Variants in MAP2K6 observed in about 807,000 individuals in gnomAD.
The protein encoded by MAP2K6 is mitogen-activated protein kinase kinase 6.
Under a neutral mutation model 53.7 loss-of-function variants are expected in MAP2K6, and 16 were observed. That is an observed-to-expected ratio of 0.30 (90% CI 0.20 to 0.45). MAP2K6 has a LOEUF of 0.45. Among genes scored for constraint, MAP2K6 ranks in the 20% least tolerant of loss-of-function variants. The pLI, the probability that MAP2K6 is intolerant of heterozygous loss-of-function variation, is 1.00. For missense variants in MAP2K6, 204 were observed against 411.9 expected (o/e 0.50, Z 4.37); for synonymous variants, 132 against 143.1 (o/e 0.92, Z 0.55).
intron 1 of MAP2K6, among the ~76,000 whole-genome samples, chr17:69,468,443 C>T (rs1907882386): frequency 6.6e-6 from 1 of 152,256 alleles, no homozygotes; most frequent in South Asian, 2.1e-4. Flanking sequence ...ACTGTTTCTG[C>T]TCTCGCAAAA....
intron 2 of MAP2K6, among the ~76,000 whole-genome samples, chr17:69,513,236 T>C (rs1364039714): frequency 1.3e-5 from 2 of 152,230 alleles, no homozygotes; most frequent in Non-Finnish European, 2.9e-5. Flanking sequence ...CACAGGCGAA[T>C]TGATTATTTT....
intron 1 of MAP2K6, chr17:69,434,988 G>A (rs1906590723): frequency 6.6e-6 from 1 of 152,150 alleles, no homozygotes; most frequent in East Asian, 1.9e-4. Flanking sequence ...AATTAAGACA[G>A]GTGAATGCTA....
At position 69,510,299 on chromosome 17, in the gene MAP2K6, G is replaced by T. The variant is rs190336745; in HGVS notation, c.83+4453G>T. Among the ~76,000 whole-genome samples, 253 of 152,276 alleles carry T rather than the reference G, an allele frequency of 1.7e-3. 2 individuals are homozygous for T. The highest frequency in any genetic ancestry group is 0.01 in the Middle Eastern group (3 of 294). On this transcript the variant is annotated intron_variant, in intron 2 of 11. Transcript: ENST00000590474. Reference sequence around the variant, plus strand: ...TCAGCTAGCTTTGCATACCCCAAATGAATCCCAGTTAGTTATGGTATATAT... The same window carrying T: ...TCAGCTAGCTTTGCATACCCCAAATTAATCCCAGTTAGTTATGGTATATAT...
At chr17:69,500,447 C>CAAAAAA (rs58712110) in intron 1 of MAP2K6, among the ~76,000 whole-genome samples, 33 of 57,628 alleles carry the variant, frequency 5.7e-4, no homozygotes, top group African/African-American at 7.6e-4. Flanking sequence ...GACTCTGTCT[C>CAAAAAA]AAAAAAAAAA....
At chr17:69,527,548 T>C (rs1030262337) in intron 10 of MAP2K6, among the ~76,000 whole-genome samples, 4 of 152,336 alleles carry the variant, frequency 2.6e-5, no homozygotes, top group African/African-American at 9.6e-5. Flanking sequence ...CATGGCTTGA[T>C]AGTAATGATC....
chr17:69,493,437 T>A (rs539267879), intron 1 of MAP2K6, among the ~76,000 whole-genome samples: 131 of 151,900 alleles, frequency 8.6e-4, no homozygotes, highest in Non-Finnish European at 9.1e-4. Context: ...CACAGAAAAA[T>A]GAATACAGAT....
At chr17:69,421,138 C>T (rs60545999) in intron 1 of MAP2K6, among the ~76,000 whole-genome samples, 3,786 of 152,252 alleles carry the variant, frequency 0.025, 163 homozygotes, top group African/African-American at 0.087. Context: ...AAGTATTTTT[C>T]ATCAGTAGGG....
intron 1 of MAP2K6, among the ~76,000 whole-genome samples, chr17:69,416,903 T>C (rs1268739802): frequency 6.6e-6 from 1 of 152,206 alleles, no homozygotes; most frequent in Non-Finnish European, 1.5e-5. Flanking sequence ...ATTTTTGGGC[T>C]CACTATGAAC....
chr17:69,447,827 G>C (rs1234572974), intron 1 of MAP2K6, among the ~76,000 whole-genome samples: 2 of 152,218 alleles, frequency 1.3e-5, no homozygotes, highest in Admixed American at 1.3e-4. Flanking sequence ...GAGTGAGCAG[G>C]AGCTGAGGGA....
In MAP2K6 at chr17:69,536,154, G is replaced by A; in HGVS notation, c.921G>A (p.Glu307=). Residue 307 remains glutamate (E), a synonymous_variant, in exon 11 of 12, where the codon GAG becomes GAA. Transcript: ENST00000590474. The part of the protein sequence containing the change: ...KNSKERPTYP[E]LMQHPFFTLH... ...CCAAAGAACGGCCTACATACCCAGA[G>A]CTAATGGTGAGTATTGTTAGCAACG... is the stretch of plus-strand genomic sequence containing the variant. 6.2e-7 allele frequency: 1 copy of A among 1,610,894 alleles called. No homozygotes were observed. Among genetic ancestry groups the A allele is most frequent in the Non-Finnish European group, 8.5e-7 (1 of 1,178,372 alleles).
rs796414361 is a variant in MAP2K6 at position 69,512,328 on chromosome 17, G to GTTTTTTTTTTTTTTT, written c.84-4517_84-4516insTTTTTTTTTTTTTTT. Among the ~76,000 whole-genome samples, 48 of 75,214 alleles carry GTTTTTTTTTTTTTTT rather than the reference G, an allele frequency of 6.4e-4. 14 individuals are homozygous for GTTTTTTTTTTTTTTT. The highest frequency in any genetic ancestry group is 1.0e-3 in the East Asian group (3 of 2,986). 49.3% of individuals were successfully genotyped at this position (75,214 alleles called of 152,430 possible). A position where few individuals can be genotyped will look rare whatever the true frequency, so the allele number is the denominator to read the frequency against. On this transcript the variant is annotated intron_variant, in intron 2 of 11. Transcript: ENST00000590474. The stretch of plus-strand genomic sequence containing the variant: ...TTCTAATCTCATTGTCTTTCTAAGT[G>GTTTTTTTTTTTTTTT]TTTTTTTTTTGTTTTTTTTTTTTTT...
Position 69,423,649 on chromosome 17 carries a change from C to T in MAP2K6, c.16+8649C>T, listed in dbSNP as rs185527370. Among the ~76,000 whole-genome samples the T allele has an allele frequency of 4.0e-3, 612 of 152,314 alleles. 2 individuals carry two copies. The highest frequency in any genetic ancestry group is 0.017 in the Admixed American group (259 of 15,300). On this transcript the variant is annotated intron_variant, in intron 1 of 11. Coordinates refer to ENST00000590474, the MANE Select transcript of MAP2K6 (RefSeq NM_002758.4). ...CACAGGAAACGTCTGAGTGGTGTCT[C>T]TCCTAGTTATAAGAATTGTAGGTCA...
intron 1 of MAP2K6, among the ~76,000 whole-genome samples, chr17:69,486,262 CT>C (rs1170977463): frequency 1.3e-5 from 2 of 152,122 alleles, no homozygotes; most frequent in African/African-American, 4.8e-5. Context: ...TGGTGTCCCA[CT>C]TTGTTTGTTT....
At chr17:69,438,637 A>T (rs1242195270) in intron 1 of MAP2K6, among the ~76,000 whole-genome samples, 1 of 152,118 alleles carries the variant, frequency 6.6e-6, no homozygotes, top group Non-Finnish European at 1.5e-5. Flanking sequence ...CCCAGGCTGT[A>T]ATGCAGTGGC....
intron 10 of MAP2K6, among the ~76,000 whole-genome samples, chr17:69,530,447 A>C (rs1259465355): frequency 6.6e-6 from 1 of 152,240 alleles, no homozygotes; most frequent in Non-Finnish European, 1.5e-5. Context: ...TCAAAGTGTC[A>C]GTATTATAGT....
At position 69,517,524 on chromosome 17, in the gene MAP2K6, C is replaced by T. The variant is rs1054716579; in HGVS notation, c.157C>T (p.Leu53=). 2.5e-6 allele frequency: 4 copies of T among 1,608,636 alleles called. No homozygotes were observed. In the African/African-American group the frequency reaches 4.0e-5, roughly 16 times the overall value. The change falls in exon 4 of 12, where the codon CTG becomes TTG. Residue 53 remains leucine, a synonymous_variant. Coordinates refer to ENST00000590474, the MANE Select transcript of MAP2K6 (RefSeq NM_002758.4). The stretch of plus-strand genomic sequence containing the variant: ...GAACTTTGAGGTGAAGGCAGATGAC[C>T]TGGAGCCTATAATGGAACTGGGACG... The part of the protein sequence containing the change: ...NQNFEVKADD[L]EPIMELGRGA...
chr17:69,497,152 A>T (rs183551444), intron 1 of MAP2K6, among the ~76,000 whole-genome samples: 9 of 152,302 alleles, frequency 5.9e-5, no homozygotes, highest in East Asian at 5.8e-4. Context: ...TCTAGTGCTT[A>T]AACTCTGTAC....
At chr17:69,489,470 A>AGG (rs1337124601) in intron 1 of MAP2K6, among the ~76,000 whole-genome samples, 6 of 152,242 alleles carry the variant, frequency 3.9e-5, no homozygotes, top group Non-Finnish European at 8.8e-5. Context: ...TTCCAGACTT[A>AGG]TTACCTAAGA....
chr17:69,453,018 G>A (rs1907279607), intron 1 of MAP2K6, among the ~76,000 whole-genome samples: 1 of 152,178 alleles, frequency 6.6e-6, no homozygotes. Context: ...CCCTGTCATA[G>A]CTAAGAAGCC....
Sources: allele counts gnomAD v4.1 joint callset (sites outside exome capture counted in the v4.1 genomes callset), GRCh38; gene constraint gnomAD v4.1.1; transcripts MANE v1.5; gene names NCBI Gene and HGNC (gene_info 2026-07-23, HGNC 2026-07-21).